The following PPP4R1 variants were observed in gnomAD, a reference collection of about 807,000 sequenced individuals.
The protein encoded by PPP4R1 is serine/threonine-protein phosphatase 4 regulatory subunit 1.
PPP4R1 carries 42 observed loss-of-function variants against 111.2 expected under a neutral mutation model. The ratio of observed to expected loss-of-function variants is 0.38; its 90% CI spans 0.29 to 0.49. The LOEUF is 0.49. PPP4R1 is among the 20% of genes least tolerant of loss of function. The probability of loss-of-function intolerance (pLI) is 0.97; values close to 1 mark genes in which losing one functional copy is unlikely to be tolerated. For synonymous variants in PPP4R1, 409 were observed against 405.5 expected (o/e 1.01, Z -0.10); for missense variants, 1,012 against 1,161.6 (o/e 0.87, Z 1.87).
At position 9,562,110 on chromosome 18, in the gene PPP4R1, C is replaced by T. The variant is rs545169790; in HGVS notation, c.1747-35G>A. Reference sequence around the variant, plus strand: ...AAAAATAACTACTTAAAGAGCTGTCCTGTCTGTACATCTTCATTTAAGCTA... The same window carrying T: ...AAAAATAACTACTTAAAGAGCTGTCTTGTCTGTACATCTTCATTTAAGCTA... On this transcript the variant is annotated intron_variant, in intron 12 of 19. Coordinates refer to ENST00000400556, the MANE Select transcript of PPP4R1 (RefSeq NM_001042388.3). The T allele has an allele frequency of 4.1e-6, 6 of 1,470,032 alleles. No homozygotes were observed. The East Asian group carries it at 1.1e-4, about 28-fold the overall frequency. 91.1% of individuals were successfully genotyped at this position (1,470,032 alleles called of 1,614,324 possible). A position where few individuals can be genotyped will look rare whatever the true frequency, so the allele number is the denominator to read the frequency against.
At chr18:9,597,448 CTT>C (rs1261962070) in intron 2 of PPP4R1, among the ~76,000 whole-genome samples, 1 of 152,140 alleles carries the variant, frequency 6.6e-6, no homozygotes, top group Admixed American at 6.6e-5. Context: ...CAGAAAGTCC[CTT>C]TGAGTCTTTA....
intron 14 of PPP4R1, among the ~76,000 whole-genome samples, chr18:9,557,711 C>G (rs931682425): frequency 9.2e-5 from 14 of 152,204 alleles, no homozygotes; most frequent in African/African-American, 3.1e-4. Flanking sequence ...TAAGCTCTTC[C>G]ATACATAATT....
chr18:9,564,214 T>C (rs549722219), intron 11 of PPP4R1, among the ~76,000 whole-genome samples: 1 of 152,318 alleles, frequency 6.6e-6, no homozygotes, highest in South Asian at 2.1e-4. Flanking sequence ...GATTCAAAAT[T>C]AAGATAAGGC....
intron 2 of PPP4R1, among the ~76,000 whole-genome samples, chr18:9,604,616 C>A (rs1341638694): frequency 6.6e-6 from 1 of 152,140 alleles, no homozygotes; most frequent in Non-Finnish European, 1.5e-5. Flanking sequence ...ACTAACAACA[C>A]CCAGGAGGCA....
At chr18:9,607,519 C>T (rs763733808) in intron 2 of PPP4R1, among the ~76,000 whole-genome samples, 1 of 151,918 alleles carries the variant, frequency 6.6e-6, no homozygotes, top group Non-Finnish European at 1.5e-5. Context: ...AAAAGATGAG[C>T]AAAAGATGTG....
At chr18:9,579,544 G>A (rs925482633) in intron 9 of PPP4R1, among the ~76,000 whole-genome samples, 2 of 151,312 alleles carry the variant, frequency 1.3e-5, no homozygotes, top group African/African-American at 4.8e-5. Flanking sequence ...GTGTGTGTGT[G>A]TGTAAAATAG....
intron 19 of PPP4R1, among the ~76,000 whole-genome samples, chr18:9,548,605 A>G (rs1412727779): frequency 6.6e-6 from 1 of 152,158 alleles, no homozygotes; most frequent in Non-Finnish European, 1.5e-5. Context: ...GTACATAAAA[A>G]CAACACCCAA....
At chr18:9,553,744 G>GC (rs1256093626) in intron 15 of PPP4R1, among the ~76,000 whole-genome samples, 2 of 152,202 alleles carry the variant, frequency 1.3e-5, no homozygotes, top group Admixed American at 6.5e-5. Context: ...TGTTGCCATG[G>GC]CCCCGCTTAA....
At chr18:9,577,221 G>A in intron 9 of PPP4R1, 30 bp from the exon 10 acceptor site, 1 of 1,576,056 alleles carries the variant, frequency 6.3e-7, no homozygotes, top group South Asian at 1.2e-5. Flanking sequence ...AATAATAAAG[G>A]AATCATTTTG....
upstream of PPP4R1, among the ~76,000 whole-genome samples, chr18:9,616,545 A>C (rs62088914): frequency 6.6e-6 from 1 of 152,080 alleles, no homozygotes; most frequent in Non-Finnish European, 1.5e-5. Context: ...AAGCACCAGG[A>C]TTACAGGTGT....
At chr18:9,555,870 C>T (rs1418115139) in intron 15 of PPP4R1, among the ~76,000 whole-genome samples, 10 of 152,186 alleles carry the variant, frequency 6.6e-5, no homozygotes, top group East Asian at 1.9e-4. Flanking sequence ...GGCATGGTGG[C>T]TCACGCCTGT....
At chr18:9,572,968 A>G (rs2066884677) in intron 10 of PPP4R1, among the ~76,000 whole-genome samples, 1 of 152,220 alleles carries the variant, frequency 6.6e-6, no homozygotes, top group Non-Finnish European at 1.5e-5. Context: ...TTAATATAAA[A>G]TTCTGAACCT....
At chr18:9,599,585 A>G (rs2145288120) in intron 2 of PPP4R1, 2 of 152,324 alleles carry the variant, frequency 1.3e-5, no homozygotes, top group East Asian at 1.9e-4. Context: ...AACCATGAAC[A>G]TAATTATACA....
intron 11 of PPP4R1, among the ~76,000 whole-genome samples, chr18:9,565,292 C>T (rs1230508741): frequency 2.0e-5 from 3 of 152,196 alleles, no homozygotes; most frequent in Non-Finnish European, 2.9e-5. Context: ...GCTCTACCGA[C>T]TTTCTTTACC....
chr18:9,556,032 G>A (rs1042173791), intron 15 of PPP4R1, among the ~76,000 whole-genome samples: 14 of 150,824 alleles, frequency 9.3e-5, no homozygotes, highest in South Asian at 2.1e-4. Flanking sequence ...TTAGTGGCAC[G>A]CACCTGTAGT....
rs1174992173 is a variant in PPP4R1 at position 9,593,892 on chromosome 18, A to T, written c.189-18T>A. On this transcript the variant is annotated intron_variant, in intron 3 of 19. Coordinates refer to ENST00000400556, the MANE Select transcript of PPP4R1 (RefSeq NM_001042388.3). ...CCATTTGTCTACACAAAAAAAACAA[A>T]ATTATGTATGTTCAATGGCATCAAT... is the stretch of plus-strand genomic sequence containing the variant. The T allele has an allele frequency of 1.9e-6, 3 of 1,589,268 alleles. No individual in the cohort carries two copies.
At chr18:9,603,088 C>G (rs2067418893) in intron 2 of PPP4R1, among the ~76,000 whole-genome samples, 1 of 149,800 alleles carries the variant, frequency 6.7e-6, no homozygotes, top group South Asian at 2.1e-4. Flanking sequence ...TGTGTGGTTT[C>G]CAACTGTTTT....
At chr18:9,552,937 T>C (rs1418495066) in intron 16 of PPP4R1, among the ~76,000 whole-genome samples, 4 of 152,188 alleles carry the variant, frequency 2.6e-5, no homozygotes, top group Non-Finnish European at 5.9e-5. Flanking sequence ...TTGCATGAAA[T>C]GTCCGCAACA....
intron 2 of PPP4R1, among the ~76,000 whole-genome samples, chr18:9,605,680 G>A (rs971501828): frequency 6.6e-6 from 1 of 151,242 alleles, no homozygotes; most frequent in Non-Finnish European, 1.5e-5. Flanking sequence ...GAATGCTAAA[G>A]GCTGAGAAAT....
Sources: allele counts gnomAD v4.1 joint callset (sites outside exome capture counted in the v4.1 genomes callset), GRCh38; gene constraint gnomAD v4.1.1; transcripts MANE v1.5; gene names NCBI Gene and HGNC (gene_info 2026-07-23, HGNC 2026-07-21).